STXBP5L: variants seen among roughly 807,000 people sequenced by gnomAD.
The protein encoded by STXBP5L is syntaxin binding protein 5L, also known as syntaxin-binding protein 5-like.
STXBP5L carries 65 observed loss-of-function variants against 144.5 expected under a neutral mutation model. The observed-to-expected ratio is 0.45, with a 90% CI of 0.37 to 0.55. The LOEUF (loss-of-function observed/expected upper bound fraction) is 0.55, where lower values mean the gene tolerates loss of function less well. Ranked by LOEUF, STXBP5L falls within the 20% of genes least tolerant of loss-of-function variation. The pLI is 0.00. For missense variants in STXBP5L, 1,298 were observed against 1,405.5 expected (o/e 0.92, Z 1.22); for synonymous variants, 505 against 469.6 (o/e 1.08, Z -0.97).
chr3:120,940,258 G>C (rs940130921), intron 2 of STXBP5L, among the ~76,000 whole-genome samples: 1 of 151,982 alleles, frequency 6.6e-6, no homozygotes, highest in South Asian at 2.1e-4. Context: ...TAAATACTCT[G>C]GGGAGAGAAG....
chr3:121,229,140 C>A lies in STXBP5L; in HGVS notation c.1112-4476C>A, dbSNP rs59534842. Among the ~76,000 whole-genome samples, 383 of 152,248 alleles carry A rather than the reference C, an allele frequency of 2.5e-3. 2 individuals carry two copies. The highest frequency in any genetic ancestry group is 8.7e-3 in the African/African-American group (360 of 41,560). The stretch of plus-strand genomic sequence containing the variant: ...CTGCCTCACTCTATACTTCCTCTTT[C>A]TTCTTAAGTAACCAGTTATATCGCT... On this transcript the variant is annotated intron_variant, in intron 11 of 26. Transcript: ENST00000471454.
chr3:121,245,474 T>A (rs548422840), intron 14 of STXBP5L, among the ~76,000 whole-genome samples: 34 of 151,914 alleles, frequency 2.2e-4, no homozygotes, highest in Admixed American at 5.2e-4. Flanking sequence ...TTATGTTAAA[T>A]GTAAATTGAT....
chr3:121,256,521 G>GT (rs973361829), intron 16 of STXBP5L, among the ~76,000 whole-genome samples: 4 of 151,774 alleles, frequency 2.6e-5, no homozygotes, highest in African/African-American at 9.7e-5. Flanking sequence ...ATTATTATAT[G>GT]TTTTTTATCA....
At chr3:121,211,411 C>A (rs764823224) in intron 10 of STXBP5L, among the ~76,000 whole-genome samples, 2 of 152,030 alleles carry the variant, frequency 1.3e-5, no homozygotes, top group Admixed American at 6.6e-5. Flanking sequence ...CAATTGAAAA[C>A]CCTTTCTTTC....
At chr3:121,009,617 C>T (rs1473360666) in intron 3 of STXBP5L, among the ~76,000 whole-genome samples, 1 of 151,900 alleles carries the variant, frequency 6.6e-6, no homozygotes, top group Non-Finnish European at 1.5e-5. Flanking sequence ...AAGGAAACAC[C>T]TACATGTTCA....
rs1360955640 is a variant in STXBP5L at position 121,279,973 on chromosome 3, G to A, written c.2110+17G>A. On this transcript the variant is annotated intron_variant, in intron 19 of 26. Transcript: ENST00000471454. ...TCATTGCAGGTAGGAGATAAAACAA[G>A]ATGAGTTATGAACTTGATTTGGTCA... is the stretch of plus-strand genomic sequence containing the variant. The A allele has an allele frequency of 2.5e-6, 4 of 1,608,254 alleles. No homozygotes were observed. The South Asian group carries it at 3.3e-5, about 13-fold the overall frequency.
At chr3:121,354,909 T>C (rs190797624) in intron 20 of STXBP5L, among the ~76,000 whole-genome samples, 46 of 152,284 alleles carry the variant, frequency 3.0e-4, no homozygotes, top group Non-Finnish European at 5.7e-4. Flanking sequence ...TCTCTCAGCA[T>C]TTGCTTGTCT....
intron 9 of STXBP5L, among the ~76,000 whole-genome samples, chr3:121,199,388 T>G (rs2048049324): frequency 6.6e-6 from 1 of 152,092 alleles, no homozygotes. Context: ...TGGGCTGAGA[T>G]GATGGGGTTT....
At chr3:121,122,140 T>C (rs1225220679) in intron 7 of STXBP5L, among the ~76,000 whole-genome samples, 2 of 151,066 alleles carry the variant, frequency 1.3e-5, no homozygotes, top group African/African-American at 4.8e-5. Flanking sequence ...CAGAAATAAT[T>C]CTTATTCACT....
chr3:120,962,014 C>A (rs1030592609), intron 3 of STXBP5L, among the ~76,000 whole-genome samples: 1 of 152,202 alleles, frequency 6.6e-6, no homozygotes, highest in African/African-American at 2.4e-5. Flanking sequence ...TTTCATTTCT[C>A]TGATGACCAG....
chr3:120,941,503 A>T (rs1341311772), intron 2 of STXBP5L, among the ~76,000 whole-genome samples: 1 of 151,778 alleles, frequency 6.6e-6, no homozygotes, highest in African/African-American at 2.4e-5. Context: ...TTTAAAAAAA[A>T]TTTTAAATGT....
chr3:121,133,410 A>G (rs1441759006), intron 7 of STXBP5L, among the ~76,000 whole-genome samples: 1 of 152,212 alleles, frequency 6.6e-6, no homozygotes, highest in African/African-American at 2.4e-5. Context: ...CATACAAGGG[A>G]ATCTTTATAA....
At position 120,980,996 on chromosome 3, in the gene STXBP5L, AT is replaced by A. The variant is rs1007424211; in HGVS notation, c.287+25969del. On this transcript the variant is annotated intron_variant, in intron 3 of 26. Transcript: ENST00000471454. ...AGCAGGATACAAAATCCTTTGCTAGATTTTTTTTTTCTTCAAAGAGACTGAA... is the reference window on the plus strand; with the variant it reads ...AGCAGGATACAAAATCCTTTGCTAGATTTTTTTTTCTTCAAAGAGACTGAA... Among the ~76,000 whole-genome samples, 100 of 150,390 alleles carry A rather than the reference AT, an allele frequency of 6.6e-4. 1 individual carries two copies. In the East Asian group the frequency reaches 7.4e-3, roughly 11 times the overall value.
chr3:121,064,851 C>CA (rs1325974132), intron 5 of STXBP5L, among the ~76,000 whole-genome samples: 1 of 152,100 alleles, frequency 6.6e-6, no homozygotes, highest in Non-Finnish European at 1.5e-5. Context: ...AGGTGGTGAG[C>CA]ATAGTACCAA....
intron 9 of STXBP5L, among the ~76,000 whole-genome samples, chr3:121,201,390 T>A (rs2048132861): frequency 6.6e-6 from 1 of 152,234 alleles, no homozygotes; most frequent in African/African-American, 2.4e-5. Flanking sequence ...CATCTTTTTA[T>A]TTTGAGCCTA....
chr3:121,029,493 A>G (rs1166529150), intron 3 of STXBP5L, among the ~76,000 whole-genome samples: 2 of 152,122 alleles, frequency 1.3e-5, no homozygotes, highest in African/African-American at 4.8e-5. Context: ...GAAAAGTGAA[A>G]CTGGACCCTT....
chr3:120,953,853 T>G (rs912024790), intron 2 of STXBP5L, among the ~76,000 whole-genome samples: 2 of 152,178 alleles, frequency 1.3e-5, no homozygotes, highest in African/African-American at 4.8e-5. Flanking sequence ...CAATATTGAA[T>G]AGAGGTGGAT....
At chr3:120,969,396 G>GT (rs57093267) in intron 3 of STXBP5L, among the ~76,000 whole-genome samples, 506 of 131,288 alleles carry the variant, frequency 3.9e-3, no homozygotes, top group East Asian at 0.014. Context: ...GATTATTTGT[G>GT]TTTTTTTTTT....
intron 20 of STXBP5L, among the ~76,000 whole-genome samples, chr3:121,337,411 T>C (rs939372892): frequency 4.1e-5 from 4 of 97,602 alleles, no homozygotes; most frequent in African/African-American, 1.7e-4. Context: ...TCATGTTAGA[T>C]AGAACAGACA....
Sources: gnomAD v4.1 joint callset for allele counts (sites outside exome capture counted in the v4.1 genomes callset) on GRCh38, gnomAD v4.1.1 for gene constraint, MANE v1.5 for transcripts, NCBI Gene and HGNC (gene_info 2026-07-23, HGNC 2026-07-21) for gene names.